SLC35E3: variants seen among roughly 807,000 people sequenced by gnomAD.
The protein encoded by SLC35E3 is bladder cancer-overexpressed gene 1 protein.
In SLC35E3, 28 loss-of-function variants were observed where a neutral mutation model predicts 30.8. The observed-to-expected ratio is 0.91, with a 90% CI of 0.67 to 1.25. The LOEUF is 1.25. SLC35E3 is among the 50% of genes most tolerant of loss of function. SLC35E3 has a pLI of 0.00. For synonymous variants in SLC35E3, 146 were observed against 149.2 expected (o/e 0.98, Z 0.16); for missense variants, 365 against 375.4 (o/e 0.97, Z 0.23).
rs192711290 is a variant in SLC35E3, at chr12:68,772,022, T to A, written c.*7132T>A. 1.7e-3 allele frequency: 264 copies of A among 151,982 alleles called. 1 individual carries two copies. Among genetic ancestry groups the A allele is most frequent in the African/African-American group, 6.1e-3 (253 of 41,470 alleles). 9.4% of individuals were successfully genotyped at this position (151,982 alleles called of 1,614,324 possible). A position where few individuals can be genotyped will look rare whatever the true frequency, so the allele number is the denominator to read the frequency against. ...TCAGAAGGGTTTGGTTTGTTTGACC[T>A]TTTTTTTAATTTTAATTTTTATTTT... On this transcript the variant is annotated 3_prime_UTR_variant, in exon 5 of 5. Transcript: ENST00000398004.
rs748988184 is a variant in SLC35E3, at chr12:68,746,605, G to A, written c.228G>A (p.Arg76=). The change falls in exon 1 of 5, where the codon AGG becomes AGA. Residue 76 remains arginine, a synonymous_variant. Transcript: ENST00000398004. ...IFAPKSLPPS[R]LLLLALSFCG... Reference sequence around the variant, plus strand: ...CCCCCAAAAGTCTGCCGCCCTCCAGGCTCCTCCTCCTGGCCCTCAGCTTCT... The same window carrying A: ...CCCCCAAAAGTCTGCCGCCCTCCAGACTCCTCCTCCTGGCCCTCAGCTTCT... 1.9e-6 allele frequency: 3 copies of A among 1,614,208 alleles called. No homozygotes were observed. Among genetic ancestry groups the A allele is most frequent in the East Asian group, 4.5e-5 (2 of 44,892 alleles).
rs1217718181 is a variant in SLC35E3 at position 68,774,027 on chromosome 12, G to A, written c.*9137G>A. The A allele has an allele frequency of 2.0e-5, 3 of 152,204 alleles. No individual in the cohort carries two copies. Among genetic ancestry groups the A allele is most frequent in the Admixed American group, 2.0e-4 (3 of 15,276 alleles). 9.4% of individuals were successfully genotyped at this position (152,204 alleles called of 1,614,324 possible). A position where few individuals can be genotyped will look rare whatever the true frequency, so the allele number is the denominator to read the frequency against. On this transcript the variant is annotated 3_prime_UTR_variant, in exon 5 of 5. Coordinates refer to ENST00000398004, the MANE Select transcript of SLC35E3 (RefSeq NM_018656.5). ...TAGGGTATCCTGATTAAAAGGGACAGATGTGGCTGGTAGTGTCTATTACCA... is the reference window on the plus strand; with the variant it reads ...TAGGGTATCCTGATTAAAAGGGACAAATGTGGCTGGTAGTGTCTATTACCA...
At position 68,747,317 on chromosome 12, in the gene SLC35E3, T is replaced by G. The variant is rs368548767; in HGVS notation, c.402+538T>G. On this transcript the variant is annotated intron_variant, in intron 1 of 4. Coordinates refer to ENST00000398004, the MANE Select transcript of SLC35E3 (RefSeq NM_018656.5). ...GGAATTTCACTCTTGTTGCCCAGGCTGGAGTGCAATGGCACGATCTCGGCT... is the reference window on the plus strand; with the variant it reads ...GGAATTTCACTCTTGTTGCCCAGGCGGGAGTGCAATGGCACGATCTCGGCT... Among the ~76,000 whole-genome samples the G allele has an allele frequency of 1.5e-3, 224 of 152,070 alleles. 4 individuals carry two copies. The South Asian group carries it at 0.02, about 14-fold the overall frequency.
intron 3 of SLC35E3, among the ~76,000 whole-genome samples, chr12:68,756,596 CAA>C (rs1048665304): frequency 1.3e-5 from 2 of 152,036 alleles, no homozygotes; most frequent in African/African-American, 4.8e-5. Flanking sequence ...AATGACGTAT[CAA>C]AAAGATAATC....
At chr12:68,751,658 A>G (rs1344599692) in intron 2 of SLC35E3, among the ~76,000 whole-genome samples, 1 of 152,162 alleles carries the variant, frequency 6.6e-6, no homozygotes, top group Non-Finnish European at 1.5e-5. Context: ...CTGCATCTGT[A>G]TTCCTAATCA....
At position 68,768,845 on chromosome 12, in the gene SLC35E3, CT is replaced by C. The variant is rs1281012109; in HGVS notation, c.*3956del. 1 of 152,204 alleles carries C rather than the reference CT, an allele frequency of 6.6e-6. No individual in the cohort carries two copies. The highest frequency in any genetic ancestry group is 1.5e-5 in the Non-Finnish European group (1 of 68,032). 9.4% of individuals were successfully genotyped at this position (152,204 alleles called of 1,614,324 possible). A position where few individuals can be genotyped will look rare whatever the true frequency, so the allele number is the denominator to read the frequency against. On this transcript the variant is annotated 3_prime_UTR_variant, in exon 5 of 5. Coordinates refer to ENST00000398004, the MANE Select transcript of SLC35E3 (RefSeq NM_018656.5). ...GAAATAACATAAAGGAGAAATCTAT[CT>C]CTGTGAAATGAAGTAAGCATTCTTC...
chr12:68,763,263 A>G (rs918856368), intron 4 of SLC35E3, among the ~76,000 whole-genome samples: 1 of 152,160 alleles, frequency 6.6e-6, no homozygotes, highest in Non-Finnish European at 1.5e-5. Flanking sequence ...GGCTGTTTCT[A>G]GTGTTGTAGT....
In SLC35E3 at chr12:68,746,757, C is replaced by G. The variant is rs1878594046; in HGVS notation, c.380C>G (p.Ser127Cys). Reference protein sequence around the residue: ...IQTFCYQKTFSTRIQLTLIPI... With the variant: ...IQTFCYQKTFCTRIQLTLIPI... The stretch of plus-strand genomic sequence containing the variant: ...ACCTTCTGCTACCAGAAAACCTTCT[C>G]CACCAGAATCCAGCTCACGCTGGTG... Residue 127 changes from serine to cysteine, a missense_variant, in exon 1 of 5, where the codon TCC becomes TGC. By Grantham distance (112) the Ser-to-Cys change is moderately radical (BLOSUM62 -1). Coordinates refer to ENST00000398004, the MANE Select transcript of SLC35E3 (RefSeq NM_018656.5). 10 of 1,592,194 alleles carry G rather than the reference C, an allele frequency of 6.3e-6. No homozygotes were observed. Among genetic ancestry groups the G allele is most frequent in the Non-Finnish European group, 8.6e-6 (10 of 1,165,780 alleles).
Position 68,746,758 on chromosome 12 carries a change from C to A in SLC35E3, c.381C>A (p.Ser127=). ...CCTTCTGCTACCAGAAAACCTTCTC[C>A]ACCAGAATCCAGCTCACGCTGGTGA... is the stretch of plus-strand genomic sequence containing the variant. ...IQTFCYQKTF[S]TRIQLTLIPI... Residue 127 remains serine (S), a synonymous_variant, in exon 1 of 5, where the codon TCC becomes TCA. Coordinates refer to ENST00000398004, the MANE Select transcript of SLC35E3 (RefSeq NM_018656.5). 6.3e-7 allele frequency: 1 copy of A among 1,592,174 alleles called. No homozygotes were observed. The highest frequency in any genetic ancestry group is 8.6e-7 in the Non-Finnish European group (1 of 1,165,742).
rs1390570731 is a variant in SLC35E3, at chr12:68,780,227, G to A, written c.*15337G>A. 2 of 152,068 alleles carry A rather than the reference G, an allele frequency of 1.3e-5. No homozygotes were observed. The highest frequency in any genetic ancestry group is 1.9e-4 in the East Asian group (1 of 5,170). The allele number at this position is 152,068 out of a possible 1,614,324, so 9.4% of individuals were successfully genotyped here. A position where few individuals can be genotyped will look rare whatever the true frequency, so the allele number is the denominator to read the frequency against. ...TTTGTCACCCAGGCTGGAGTGCAGG[G>A]GCACAAACATGGCTCACTGCAGCCT... On this transcript the variant is annotated 3_prime_UTR_variant, in exon 5 of 5. Transcript: ENST00000398004.
chr12:68,751,910 G>A, intron 2 of SLC35E3, 122 bp from the exon 3 acceptor site: 1 of 872,280 alleles, frequency 1.1e-6, no homozygotes, highest in Non-Finnish European at 1.7e-6. Flanking sequence ...AGAATAATTA[G>A]ACATTTTATC....
chr12:68,768,545 C>A lies in SLC35E3; in HGVS notation c.*3655C>A, dbSNP rs1460881652. 6.6e-6 allele frequency: 1 copy of A among 152,210 alleles called. No homozygotes were observed. The highest frequency in any genetic ancestry group is 1.5e-5 in the Non-Finnish European group (1 of 68,034). 9.4% of individuals were successfully genotyped at this position (152,210 alleles called of 1,614,324 possible). A position where few individuals can be genotyped will look rare whatever the true frequency, so the allele number is the denominator to read the frequency against. On this transcript the variant is annotated 3_prime_UTR_variant, in exon 5 of 5. Transcript: ENST00000398004. ...TACTAGGACCAAGCACGGAGACAAACCAGATACAGTGCTTTCAAAGAAAAC... is the reference window on the plus strand; with the variant it reads ...TACTAGGACCAAGCACGGAGACAAAACAGATACAGTGCTTTCAAAGAAAAC...
Position 68,781,463 on chromosome 12 carries a change from G to A in SLC35E3, c.*16573G>A, listed in dbSNP as rs1408456790. 6.6e-6 allele frequency: 1 copy of A among 152,188 alleles called. No homozygotes were observed. Among genetic ancestry groups the A allele is most frequent in the African/African-American group, 2.4e-5 (1 of 41,434 alleles). 9.4% of individuals were successfully genotyped at this position (152,188 alleles called of 1,614,324 possible). ...TTTGCTAATAATAAACCAATACAGT[G>A]CTACAGAGATGTTTCTTTCATTAAT... On this transcript the variant is annotated 3_prime_UTR_variant, in exon 5 of 5. Transcript: ENST00000398004.
rs1021208536 is a variant in SLC35E3 at position 68,767,522 on chromosome 12, A to G, written c.*2632A>G. ...ACAGACTGGACTCTGTCTCGGGAAA[A>G]AAAAAAAAAAAAAAAGGGAAGAGCG... On this transcript the variant is annotated 3_prime_UTR_variant, in exon 5 of 5. Transcript: ENST00000398004. 5 of 101,934 alleles carry G rather than the reference A, an allele frequency of 4.9e-5. No homozygotes were observed. The highest frequency in any genetic ancestry group is 4.4e-4 in the East Asian group (1 of 2,268). The allele number at this position is 101,934 out of a possible 1,614,324, so 6.3% of individuals were successfully genotyped here.
rs1879705046 is a variant in SLC35E3, at chr12:68,775,079, C to T, written c.*10189C>T. On this transcript the variant is annotated 3_prime_UTR_variant, in exon 5 of 5. Coordinates refer to ENST00000398004, the MANE Select transcript of SLC35E3 (RefSeq NM_018656.5). ...CCCTGGCTGGTCTCACTCCTGGGTT[C>T]AAGTGATCCTCCTGCCTCAGCCTCC... 1 of 152,152 alleles carries T rather than the reference C, an allele frequency of 6.6e-6. No individual in the cohort carries two copies. The highest frequency in any genetic ancestry group is 2.4e-5 in the African/African-American group (1 of 41,400). 9.4% of individuals were successfully genotyped at this position (152,152 alleles called of 1,614,324 possible).
rs1879553411 is a variant in SLC35E3, at chr12:68,769,753, A to AC, written c.*4863_*4864insC. Reference sequence around the variant, plus strand: ...AACTTAAACTGGATTATACCTGCTAATATCAGGAATATAATGATAATTGCA... The same window carrying AC: ...AACTTAAACTGGATTATACCTGCTAACTATCAGGAATATAATGATAATTGCA... On this transcript the variant is annotated 3_prime_UTR_variant, in exon 5 of 5. Coordinates refer to ENST00000398004, the MANE Select transcript of SLC35E3 (RefSeq NM_018656.5). 6.6e-6 allele frequency: 1 copy of AC among 152,230 alleles called. No individual in the cohort carries two copies. The highest frequency in any genetic ancestry group is 2.1e-4 in the South Asian group (1 of 4,834). 9.4% of individuals were successfully genotyped at this position (152,230 alleles called of 1,614,324 possible). A position where few individuals can be genotyped will look rare whatever the true frequency, so the allele number is the denominator to read the frequency against.
rs1939633300 is a variant in SLC35E3, at chr12:68,777,311, G to A, written c.*12421G>A. On this transcript the variant is annotated 3_prime_UTR_variant, in exon 5 of 5. Transcript: ENST00000398004. ...ATGCAGAACTTTTCAGCCAAGCACA[G>A]TGCTATTCTTCTGAAATCATAACAT... 6.6e-6 allele frequency: 1 copy of A among 152,176 alleles called. No homozygotes were observed. The highest frequency in any genetic ancestry group is 2.1e-4 in the South Asian group (1 of 4,828). 9.4% of individuals were successfully genotyped at this position (152,176 alleles called of 1,614,324 possible).
chr12:68,757,989 G>T (rs764614770), intron 3 of SLC35E3, among the ~76,000 whole-genome samples: 5 of 151,988 alleles, frequency 3.3e-5, no homozygotes, highest in Non-Finnish European at 7.4e-5. Flanking sequence ...CTACTGGGGA[G>T]GCTGAGGCAG....
intron 4 of SLC35E3, 52 bp downstream of exon 4, chr12:68,759,291 C>G (rs12316701): frequency 0.12 from 159,733 of 1,311,336 alleles, 10,104 homozygotes; most frequent in East Asian, 0.24. Context: ...TTTTCCAAAA[C>G]TTTTACATTC....
Sources: allele counts gnomAD v4.1 joint callset (sites outside exome capture counted in the v4.1 genomes callset), GRCh38; gene constraint gnomAD v4.1.1; transcripts MANE v1.5; gene names NCBI Gene and HGNC (gene_info 2026-07-23, HGNC 2026-07-21).